COPS9: variants seen among roughly 807,000 people sequenced by gnomAD.
COPS9 encodes the protein COP9 signalosome complex subunit 9.
COPS9 carries 8 observed loss-of-function variants against 7.2 expected under a neutral mutation model. The ratio of observed to expected loss-of-function variants is 1.11; its 90% CI spans 0.65 to 2.00. The LOEUF (loss-of-function observed/expected upper bound fraction) is 2.00. COPS9 is among the 30% of genes most tolerant of loss of function. COPS9 has a pLI of 0.00. For missense variants in COPS9, 74 were observed against 77.7 expected, an observed-to-expected ratio of 0.95 and a Z score of 0.18; for synonymous variants, 39 against 28.7, an observed-to-expected ratio of 1.36 and a Z score of -1.14.
chr2:240,129,886 C>T (rs762978253), downstream of COPS9: 5 of 1,604,792 alleles, frequency 3.1e-6, no homozygotes, highest in Non-Finnish European at 4.3e-6. Flanking sequence ...CAGTGCAGAC[C>T]TTCTTACAGA....
chr2:240,134,858 C>G (rs2071958996), intron 1 of COPS9, among the ~76,000 whole-genome samples: 1 of 152,146 alleles, frequency 6.6e-6, no homozygotes, highest in African/African-American at 2.4e-5. Flanking sequence ...CATTCACACC[C>G]TCTTCAACTC....
intron 2 of COPS9, among the ~76,000 whole-genome samples, chr2:240,133,120 T>C (rs888468690): frequency 2.6e-5 from 4 of 152,198 alleles, no homozygotes. Flanking sequence ...TAGAAACCGA[T>C]GTGGCAAGCT....
At chr2:240,126,793 T>C, downstream of COPS9, 1 of 1,614,212 alleles carries the variant, frequency 6.2e-7, no homozygotes, top group Non-Finnish European at 8.5e-7. Context: ...CCTGTGCCCA[T>C]TTTCCCCTCA....
chr2:240,136,266 C>G lies in COPS9; in HGVS notation c.19G>C (p.Glu7Gln). 2 of 1,570,894 alleles carry G rather than the reference C, an allele frequency of 1.3e-6. No individual in the cohort carries two copies. The highest frequency in any genetic ancestry group is 1.7e-6 in the Non-Finnish European group (2 of 1,162,274). Reference sequence around the variant, plus strand: ...GGCCCGGCGCCCTCGGGGAACATCTCGTCCACCGCCGGCTTCATCTCGGGG... The same window carrying G: ...GGCCCGGCGCCCTCGGGGAACATCTGGTCCACCGCCGGCTTCATCTCGGGG... Reference protein sequence around the residue: MKPAVDEMFPEGAGPYV... With the variant: MKPAVDQMFPEGAGPYV... Residue 7 changes from glutamate (E) to glutamine (Q), a missense_variant, in exon 1 of 3, where the codon GAG becomes CAG. By Grantham distance (29) the Glu-to-Gln change is conservative (BLOSUM62 2). Coordinates refer to ENST00000607357, the MANE Select transcript of COPS9 (RefSeq NM_001163424.2).
Position 240,132,513 on chromosome 2 carries a change from C to T in COPS9, c.136+1420G>A, listed in dbSNP as rs1035667392. 2.6e-5 allele frequency among the ~76,000 whole-genome samples: 4 copies of T among 152,268 alleles called. No individual in the cohort carries two copies. The highest frequency in any genetic ancestry group is 4.8e-5 in the African/African-American group (2 of 41,550). On this transcript the variant is annotated intron_variant, in intron 2 of 2. Coordinates refer to ENST00000607357, the MANE Select transcript of COPS9 (RefSeq NM_001163424.2). This position sits in a 1 kb window ranked among gnomAD's most constrained non-coding sequence, Gnocchi z 4.1. Reference sequence around the variant, plus strand: ...CGGCCGTGGCTCAAAGGCAGACACGCGCCCACAATGCTCAGGTTGCTGGGC... The same window carrying T: ...CGGCCGTGGCTCAAAGGCAGACACGTGCCCACAATGCTCAGGTTGCTGGGC...
downstream of COPS9, chr2:240,130,786 C>A: frequency 7.3e-7 from 1 of 1,361,912 alleles, no homozygotes; most frequent in Non-Finnish European, 9.4e-7. Flanking sequence ...TTAGGGACTG[C>A]AACATTCACT....
At position 240,132,646 on chromosome 2, in the gene COPS9, C is replaced by T. The variant is rs1420976068; in HGVS notation, c.136+1287G>A. On this transcript the variant is annotated intron_variant, in intron 2 of 2. Transcript: ENST00000607357. This position sits in a 1 kb window ranked among gnomAD's most constrained non-coding sequence, Gnocchi z 4.1. ...AACTCAAACACTAGAACACAGCAAT[C>T]GCCTCTAACCAATGGGCTGGCAGAG... Among the ~76,000 whole-genome samples the T allele has an allele frequency of 1.3e-5, 2 of 152,176 alleles. No individual in the cohort carries two copies. The highest frequency in any genetic ancestry group is 3.9e-4 in the East Asian group (2 of 5,190).
chr2:240,129,241 C>A (rs909777994), downstream of COPS9, among the ~76,000 whole-genome samples: 4 of 152,214 alleles, frequency 2.6e-5, no homozygotes, highest in African/African-American at 7.2e-5. Flanking sequence ...TCGCTCACTG[C>A]AATCCTGAAC....
At chr2:240,133,270 G>A (rs1269216301) in intron 2 of COPS9, among the ~76,000 whole-genome samples, 2 of 152,234 alleles carry the variant, frequency 1.3e-5, no homozygotes, top group Non-Finnish European at 2.9e-5. Flanking sequence ...CTTAGTAAAG[G>A]TTAATATCAT....
downstream of COPS9, chr2:240,126,901 T>C (rs775053715): frequency 2.5e-6 from 4 of 1,614,102 alleles, no homozygotes; most frequent in South Asian, 1.1e-5. Context: ...CCAAACGCTC[T>C]GTCCAAAGCT....
At chr2:240,133,041 C>G (rs894838347) in intron 2 of COPS9, among the ~76,000 whole-genome samples, 3 of 152,214 alleles carry the variant, frequency 2.0e-5, no homozygotes. Context: ...TCCCCTCAGG[C>G]AATGGCTGCC....
chr2:240,127,237 C>T (rs1251266114), downstream of COPS9, among the ~76,000 whole-genome samples: 1 of 151,598 alleles, frequency 6.6e-6, no homozygotes, highest in African/African-American at 2.4e-5. Flanking sequence ...ACCCCCACCC[C>T]CACCCCTACC....
intron 2 of COPS9, among the ~76,000 whole-genome samples, chr2:240,131,500 T>C (rs1483482252): frequency 6.6e-6 from 1 of 152,086 alleles, no homozygotes; most frequent in Non-Finnish European, 1.5e-5. Context: ...GCTGGGTCCT[T>C]GAGAGCAGAG....
At chr2:240,130,777 T>C, downstream of COPS9, 1 of 1,354,912 alleles carries the variant, frequency 7.4e-7, no homozygotes, top group Middle Eastern at 2.8e-4. Flanking sequence ...CAGAGACGTT[T>C]AGGGACTGCA....
intron 2 of COPS9, 111 bp downstream of exon 2, chr2:240,133,822 G>T (rs1428258977): frequency 6.6e-6 from 7 of 1,067,138 alleles, no homozygotes; most frequent in African/African-American, 1.6e-5. Flanking sequence ...GAGCGCAGGG[G>T]CTCTACCACC....
At chr2:240,127,885 C>G (rs1483984402), downstream of COPS9, among the ~76,000 whole-genome samples, 1 of 152,186 alleles carries the variant, frequency 6.6e-6, no homozygotes, top group Non-Finnish European at 1.5e-5. Flanking sequence ...GAGCAACCCT[C>G]CCTGGATTCA....
chr2:240,129,072 G>A (rs148443571), downstream of COPS9, among the ~76,000 whole-genome samples: 613 of 152,298 alleles, frequency 4.0e-3, 4 homozygotes, highest in Middle Eastern at 0.024. Context: ...GTTCCTCTGC[G>A]GCAGCTCTCT....
At chr2:240,127,977 C>G (rs1299738726), downstream of COPS9, among the ~76,000 whole-genome samples, 1 of 152,138 alleles carries the variant, frequency 6.6e-6, no homozygotes, top group African/African-American at 2.4e-5. Flanking sequence ...TAAAACCATT[C>G]AAGACATACT....
At chr2:240,129,279 T>G (rs900872147), downstream of COPS9, among the ~76,000 whole-genome samples, 1 of 152,210 alleles carries the variant, frequency 6.6e-6, no homozygotes, top group East Asian at 1.9e-4. Flanking sequence ...CCTCCTGCCC[T>G]AGCCTCCCAA....
Sources: allele counts gnomAD v4.1 joint callset (sites outside exome capture counted in the v4.1 genomes callset), GRCh38; gene constraint gnomAD v4.1.1; non-coding constraint Gnocchi (gnomAD v3.1); transcripts MANE v1.5; gene names NCBI Gene and HGNC (gene_info 2026-07-23, HGNC 2026-07-21).